UNC5B: variants seen among roughly 807,000 people sequenced by gnomAD.
UNC5B encodes netrin receptor UNC5B.
In UNC5B, 56 loss-of-function variants were observed where a neutral mutation model predicts 103.7. The ratio of observed to expected loss-of-function variants is 0.54; its 90% CI spans 0.44 to 0.67. The LOEUF (loss-of-function observed/expected upper bound fraction) is 0.67, where lower values mean the gene tolerates loss of function less well. Ranked by LOEUF, UNC5B falls within the 30% of genes least tolerant of loss-of-function variation. UNC5B has a pLI of 0.00. For missense variants in UNC5B, 1,194 were observed against 1,284.5 expected (o/e 0.93, Z 1.08); for synonymous variants, 577 against 542.0 (o/e 1.06, Z -0.90).
intron 1 of UNC5B, among the ~76,000 whole-genome samples, chr10:71,258,175 G>A (rs769351215): frequency 2.0e-5 from 3 of 152,172 alleles, no homozygotes; most frequent in Non-Finnish European, 2.9e-5. Context: ...CACAGCTATC[G>A]ATGCCGAGAC....
At chr10:71,286,496 C>CCCCT (rs1482081236) in intron 4 of UNC5B, among the ~76,000 whole-genome samples, 193 bp from the exon 5 acceptor site, 4 of 152,098 alleles carry the variant, frequency 2.6e-5, no homozygotes, top group Admixed American at 1.3e-4. Flanking sequence ...AGTGGTAAGT[C>CCCCT]CCCTCCCAAG....
chr10:71,260,013 C>T (rs1288161639), intron 1 of UNC5B, among the ~76,000 whole-genome samples: 1 of 152,188 alleles, frequency 6.6e-6, no homozygotes, highest in Non-Finnish European at 1.5e-5. Flanking sequence ...ACAAACAAGC[C>T]AACTGCCAGG....
chr10:71,295,577 G>A (rs962997739), intron 13 of UNC5B, among the ~76,000 whole-genome samples: 1 of 152,048 alleles, frequency 6.6e-6, no homozygotes, highest in South Asian at 2.1e-4. Context: ...CCATTTATTA[G>A]TCCCTCTAGC....
chr10:71,288,447 T>C, intron 6 of UNC5B, 121 bp from the exon 7 acceptor site: 1 of 1,431,718 alleles, frequency 7.0e-7, no homozygotes, highest in African/African-American at 1.4e-5. Context: ...TCTGGGTTCC[T>C]CATTTCCTTC....
chr10:71,268,263 A>G lies in UNC5B; in HGVS notation c.80-11558A>G, dbSNP rs150008716. ...ATCTCTACCTCTGTTTATCTCGCCC[A>G]TTTGCCCTCTCCTTCTCATGCCCAT... On this transcript the variant is annotated intron_variant, in intron 1 of 16. Coordinates refer to ENST00000335350, the MANE Select transcript of UNC5B (RefSeq NM_170744.5). Among the ~76,000 whole-genome samples, 117 of 152,188 alleles carry G rather than the reference A, an allele frequency of 7.7e-4. 1 individual carries two copies. The highest frequency in any genetic ancestry group is 2.6e-3 in the African/African-American group (109 of 41,510).
intron 1 of UNC5B, among the ~76,000 whole-genome samples, chr10:71,227,693 T>C (rs1240948864): frequency 1.5e-5 from 2 of 130,900 alleles, no homozygotes; most frequent in Admixed American, 7.5e-5. Context: ...TATACACATA[T>C]ATATACACAC....
chr10:71,282,438 A>G (rs1317942403), intron 2 of UNC5B, among the ~76,000 whole-genome samples: 1 of 152,158 alleles, frequency 6.6e-6, no homozygotes, highest in African/African-American at 2.4e-5. Flanking sequence ...GCTGGTGATC[A>G]TGGATGAGGT....
intron 1 of UNC5B, among the ~76,000 whole-genome samples, chr10:71,224,123 T>C (rs541246622): frequency 1.3e-5 from 2 of 152,202 alleles, no homozygotes; most frequent in South Asian, 4.1e-4. Context: ...CTGGAATTCC[T>C]CCCTGGCAGC....
intron 1 of UNC5B, among the ~76,000 whole-genome samples, chr10:71,262,562 C>T (rs1454574284): frequency 1.3e-5 from 2 of 152,316 alleles, no homozygotes; most frequent in East Asian, 3.9e-4. Flanking sequence ...ATTTATTAAG[C>T]ATCTACTGTG....
chr10:71,255,086 C>T (rs1045606416), intron 1 of UNC5B, among the ~76,000 whole-genome samples: 1 of 152,188 alleles, frequency 6.6e-6, no homozygotes, highest in African/African-American at 2.4e-5. Context: ...TAACATTATT[C>T]CATGAATCTT....
At position 71,242,970 on chromosome 10, in the gene UNC5B, G is replaced by A. The variant is rs560545252; in HGVS notation, c.79+29906G>A. ...CTGGGGAGCCGGGCGCGGTGGCTCA[G>A]GCCTGTAATCCCAGCACTTTGGGAG... On this transcript the variant is annotated intron_variant, in intron 1 of 16. Transcript: ENST00000335350. Among the ~76,000 whole-genome samples, 3 of 152,186 alleles carry A rather than the reference G, an allele frequency of 2.0e-5. No homozygotes were observed. The South Asian group carries it at 6.2e-4, about 32-fold the overall frequency.
rs537045529 is a variant in UNC5B, at chr10:71,257,783, C to T, written c.80-22038C>T. 9.8e-5 allele frequency among the ~76,000 whole-genome samples: 15 copies of T among 152,372 alleles called. 1 individual carries two copies. The South Asian group carries it at 2.9e-3, about 29-fold the overall frequency. On this transcript the variant is annotated intron_variant, in intron 1 of 16. Coordinates refer to ENST00000335350, the MANE Select transcript of UNC5B (RefSeq NM_170744.5). Reference sequence around the variant, plus strand: ...TTGTAGGGCAAAGAGGAACCTCTGTCCCCTCCCTGGAATCACTGCAGGCTG... The same window carrying T: ...TTGTAGGGCAAAGAGGAACCTCTGTTCCCTCCCTGGAATCACTGCAGGCTG...
intron 15 of UNC5B, 23 bp from the exon 16 acceptor site, chr10:71,297,882 TCTCA>T (rs1299480489): frequency 1.9e-6 from 3 of 1,597,926 alleles, no homozygotes; most frequent in Non-Finnish European, 2.6e-6. Flanking sequence ...ACTGTGCCCC[TCTCA>T]CTCTTGGCCC....
At chr10:71,248,911 A>C (rs1844111681) in intron 1 of UNC5B, among the ~76,000 whole-genome samples, 1 of 150,686 alleles carries the variant, frequency 6.6e-6, no homozygotes, top group Non-Finnish European at 1.5e-5. Flanking sequence ...ATAGATGTAA[A>C]ACACACACCA....
intron 1 of UNC5B, among the ~76,000 whole-genome samples, chr10:71,254,832 A>G (rs1844255326): frequency 6.6e-6 from 1 of 152,080 alleles, no homozygotes; most frequent in African/African-American, 2.4e-5. Flanking sequence ...CCAGGCACTG[A>G]CCCTTTCTCC....
rs1442922894 is a variant in UNC5B, at chr10:71,287,713, C to T, written c.849C>T (p.Ala283=). 2 of 1,612,820 alleles carry T rather than the reference C, an allele frequency of 1.2e-6. No individual in the cohort carries two copies. The highest frequency in any genetic ancestry group is 1.3e-5 in the African/African-American group (1 of 74,874). The part of the protein sequence containing the change: ...CTNPAPLNGG[A]FCEGQAFQKT... ...ACCCCGCTCCACTCAACGGAGGGGC[C>T]TTCTGCGAGGGCCAGGCATTCCAGA... The change falls in exon 6 of 17, where the codon GCC becomes GCT. Residue 283 remains alanine, a synonymous_variant. Coordinates refer to ENST00000335350, the MANE Select transcript of UNC5B (RefSeq NM_170744.5).
At chr10:71,249,725 A>C (rs1247064710) in intron 1 of UNC5B, among the ~76,000 whole-genome samples, 6 of 152,192 alleles carry the variant, frequency 3.9e-5, no homozygotes, top group African/African-American at 1.4e-4. Context: ...GGCAGTGCAG[A>C]TATCTGATTG....
At chr10:71,254,143 A>G (rs1393460777) in intron 1 of UNC5B, among the ~76,000 whole-genome samples, 2 of 152,174 alleles carry the variant, frequency 1.3e-5, no homozygotes, top group Non-Finnish European at 2.9e-5. Flanking sequence ...TCTTTCCCCT[A>G]TAGCAGGTGG....
intron 1 of UNC5B, among the ~76,000 whole-genome samples, chr10:71,256,670 G>A (rs1484080385): frequency 2.6e-5 from 4 of 152,252 alleles, no homozygotes; most frequent in Non-Finnish European, 5.9e-5. Flanking sequence ...CCCCCAGAAG[G>A]GAGCCAAGAG....
Sources: allele counts gnomAD v4.1 joint callset (sites outside exome capture counted in the v4.1 genomes callset), GRCh38; gene constraint gnomAD v4.1.1; transcripts MANE v1.5; gene names NCBI Gene and HGNC (gene_info 2026-07-23, HGNC 2026-07-21).